The following ADGRB3 variants were observed in gnomAD, a reference collection of about 807,000 sequenced individuals.
The protein encoded by ADGRB3 is adhesion G protein-coupled receptor B3, also known as brain-specific angiogenesis inhibitor 3.
A neutral mutation model predicts 193.4 loss-of-function variants in ADGRB3; 37 were observed. That is an observed-to-expected ratio of 0.19 (90% CI 0.15 to 0.25). The LOEUF is 0.25. ADGRB3 is among the 10% of genes least tolerant of loss of function. The pLI is 1.00. For synonymous variants in ADGRB3, 690 were observed against 644.2 expected, an observed-to-expected ratio of 1.07 and a Z score of -1.08; for missense variants, 1,637 against 1,852.9, an observed-to-expected ratio of 0.88 and a Z score of 2.14.
intron 3 of ADGRB3, among the ~76,000 whole-genome samples, chr6:68,686,989 C>T (rs1048702772): frequency 2.0e-4 from 30 of 151,938 alleles, no homozygotes; most frequent in African/African-American, 4.8e-4. Flanking sequence ...TTTTGAAAAA[C>T]GTGCATTCAG....
intron 3 of ADGRB3, among the ~76,000 whole-genome samples, chr6:68,707,335 A>T (rs1258630900): frequency 6.6e-6 from 1 of 152,126 alleles, no homozygotes; most frequent in Admixed American, 6.6e-5. Flanking sequence ...TCTCAGCAGC[A>T]CATCTGGATT....
At chr6:69,332,441 C>T (rs1768750936) in intron 23 of ADGRB3, 3 of 985,284 alleles carry the variant, frequency 3.0e-6, no homozygotes, top group Non-Finnish European at 3.6e-6. Context: ...AATAACCACA[C>T]AGCATGAGGA....
intron 20 of ADGRB3, among the ~76,000 whole-genome samples, chr6:69,266,038 T>A (rs1383033987): frequency 6.6e-6 from 1 of 152,082 alleles, no homozygotes; most frequent in African/African-American, 2.4e-5. Flanking sequence ...AGAGCTTTCT[T>A]ACAGTGTTGT....
chr6:69,379,932 G>T (rs1476186088), intron 30 of ADGRB3, among the ~76,000 whole-genome samples: 2 of 151,912 alleles, frequency 1.3e-5, no homozygotes, highest in East Asian at 1.9e-4. Context: ...TTATTATTCA[G>T]AATAGCTTTA....
chr6:69,157,700 T>TAA (rs35319098), intron 17 of ADGRB3, among the ~76,000 whole-genome samples: 29 of 138,362 alleles, frequency 2.1e-4, no homozygotes, highest in Admixed American at 2.9e-4. Context: ...TATCTCTCTG[T>TAA]AAAAAAAAAA....
At chr6:69,186,816 G>A (rs983381886) in intron 17 of ADGRB3, among the ~76,000 whole-genome samples, 8 of 151,938 alleles carry the variant, frequency 5.3e-5, no homozygotes, top group African/African-American at 1.9e-4. Context: ...ATATGTGTGT[G>A]TGTGCGCATA....
chr6:69,348,536 G>C (rs977859260), intron 26 of ADGRB3, among the ~76,000 whole-genome samples: 4 of 150,914 alleles, frequency 2.7e-5, no homozygotes, highest in African/African-American at 7.3e-5. Flanking sequence ...GGTGGCAGGC[G>C]CCTGTAGTCC....
chr6:69,023,107 CAT>C (rs1387952882), intron 13 of ADGRB3, among the ~76,000 whole-genome samples: 2 of 152,050 alleles, frequency 1.3e-5, no homozygotes, highest in African/African-American at 4.8e-5. Flanking sequence ...TGATGTGTCA[CAT>C]GTTACTCTCC....
Position 68,805,771 on chromosome 6 carries a change from C to T in ADGRB3, c.758-124788C>T, listed in dbSNP as rs979113082. Among the ~76,000 whole-genome samples the T allele has an allele frequency of 2.0e-5, 3 of 152,094 alleles. No homozygotes were observed. In the East Asian group the frequency reaches 5.8e-4, roughly 29 times the overall value. ...TTATAGGTGTTTATAAATGAATGAA[C>T]AATACCTATAGTATTTATATGTCAC... is the stretch of plus-strand genomic sequence containing the variant. On this transcript the variant is annotated intron_variant, in intron 3 of 31. Coordinates refer to ENST00000370598, the MANE Select transcript of ADGRB3 (RefSeq NM_001704.3).
intron 17 of ADGRB3, among the ~76,000 whole-genome samples, chr6:69,216,978 T>A (rs530484530): frequency 2.6e-5 from 4 of 152,262 alleles, no homozygotes; most frequent in African/African-American, 9.6e-5. Context: ...GTCCAGAAAC[T>A]GGGAAGGGGC....
At chr6:68,849,834 G>T (rs1050516498) in intron 3 of ADGRB3, among the ~76,000 whole-genome samples, 12 of 151,814 alleles carry the variant, frequency 7.9e-5, no homozygotes, top group Non-Finnish European at 1.3e-4. Context: ...TCAATCAAAT[G>T]TGTCAACTTT....
At chr6:69,160,469 G>T (rs1261279304) in intron 17 of ADGRB3, among the ~76,000 whole-genome samples, 2 of 152,050 alleles carry the variant, frequency 1.3e-5, no homozygotes, top group Admixed American at 6.6e-5. Flanking sequence ...GCCACAAACT[G>T]CATTCCTAAC....
chr6:69,101,991 C>A (rs1371487560), intron 17 of ADGRB3, among the ~76,000 whole-genome samples: 2 of 151,878 alleles, frequency 1.3e-5, no homozygotes, highest in Non-Finnish European at 2.9e-5. Flanking sequence ...AGATCAAGAC[C>A]ACGGTGAAAC....
chr6:68,660,489 C>A (rs933975687), intron 3 of ADGRB3, among the ~76,000 whole-genome samples: 2 of 150,784 alleles, frequency 1.3e-5, no homozygotes, highest in African/African-American at 4.8e-5. Context: ...TAGGCCATAC[C>A]AGAAGTTAAT....
chr6:69,309,046 A>G (rs182254541), intron 20 of ADGRB3, among the ~76,000 whole-genome samples: 58 of 151,846 alleles, frequency 3.8e-4, no homozygotes, highest in African/African-American at 1.4e-3. Flanking sequence ...GAAGCCAGTC[A>G]TCTCCACAAC....
At chr6:69,094,275 T>G (rs3823071) in intron 17 of ADGRB3, among the ~76,000 whole-genome samples, 5,002 of 152,336 alleles carry the variant, frequency 0.033, 136 homozygotes, top group East Asian at 0.096. Flanking sequence ...GGCAGGAAAT[T>G]TAATTGGTGC....
intron 17 of ADGRB3, among the ~76,000 whole-genome samples, chr6:69,177,953 C>A (rs944455412): frequency 6.6e-5 from 10 of 152,112 alleles, no homozygotes; most frequent in Non-Finnish European, 1.2e-4. Context: ...CTATTAGCTC[C>A]AATTGGTCAA....
intron 3 of ADGRB3, among the ~76,000 whole-genome samples, chr6:68,739,383 A>G (rs552650577): frequency 5.3e-5 from 8 of 152,302 alleles, no homozygotes; most frequent in African/African-American, 1.9e-4. Context: ...TTATATGCTT[A>G]CTAGAATTTC....
intron 17 of ADGRB3, among the ~76,000 whole-genome samples, chr6:69,122,992 A>ATGTG (rs1773756844): frequency 9.3e-5 from 8 of 85,578 alleles, no homozygotes; most frequent in Admixed American, 7.1e-4. Context: ...ATATACACAT[A>ATGTG]CGTGTGAGTG....
Sources: allele counts gnomAD v4.1 joint callset (sites outside exome capture counted in the v4.1 genomes callset), GRCh38; gene constraint gnomAD v4.1.1; transcripts MANE v1.5; gene names NCBI Gene and HGNC (gene_info 2026-07-23, HGNC 2026-07-21).